The following NREP variants were observed in gnomAD, a reference collection of about 807,000 sequenced individuals.
NREP encodes neuronal regeneration-related protein.
NREP carries 5 observed loss-of-function variants against 8.6 expected under a neutral mutation model. That is an observed-to-expected ratio of 0.58 (90% CI 0.30 to 1.22). The LOEUF (loss-of-function observed/expected upper bound fraction) is 1.22, where lower values mean the gene tolerates loss of function less well. NREP is among the 50% of genes most tolerant of loss of function. The probability of loss-of-function intolerance (pLI) is 0.07; values close to 1 mark genes in which losing one functional copy is unlikely to be tolerated. For synonymous variants in NREP, 27 were observed against 28.0 expected (o/e 0.96, Z 0.11); for missense variants, 86 against 82.5 (o/e 1.04, Z -0.17).
chr5:111,766,545 T>A (rs2112868398), intron 2 of NREP, among the ~76,000 whole-genome samples: 1 of 152,328 alleles, frequency 6.6e-6, no homozygotes, highest in Non-Finnish European at 1.5e-5. Context: ...TGTTATTCCC[T>A]CTTATCCACC....
rs1752485084 is a variant in NREP, at chr5:111,820,171, A to G, written c.136-84664T>C. Among the ~76,000 whole-genome samples, 3 of 152,182 alleles carry G rather than the reference A, an allele frequency of 2.0e-5. No homozygotes were observed. In the South Asian group the frequency reaches 6.2e-4, roughly 32 times the overall value. ...CCCTGACCGTCAGAAGCCATTTTAA[A>G]CAGCAAAATCACCAACAAACAGCTC... On this transcript the variant is annotated intron_variant, in intron 2 of 3. Coordinates refer to the NREP transcript ENST00000395634.
At chr5:111,952,509 T>C (rs1397015586) in intron 2 of NREP, among the ~76,000 whole-genome samples, 1 of 152,168 alleles carries the variant, frequency 6.6e-6, no homozygotes, top group Non-Finnish European at 1.5e-5. Context: ...GTAAGAGCAG[T>C]CCTCTTCCTT....
At chr5:111,798,734 G>GGTGT (rs571252142) in intron 2 of NREP, among the ~76,000 whole-genome samples, 85 of 135,694 alleles carry the variant, frequency 6.3e-4, no homozygotes, top group African/African-American at 1.8e-3. Context: ...AGTATTCCAT[G>GGTGT]GTGTGTGTGT....
At chr5:111,864,567 G>T (rs1753623766) in intron 2 of NREP, among the ~76,000 whole-genome samples, 1 of 152,014 alleles carries the variant, frequency 6.6e-6, no homozygotes, top group African/African-American at 2.4e-5. Context: ...ACTGGAGCGG[G>T]GTGAAGTAAT....
intron 2 of NREP, among the ~76,000 whole-genome samples, chr5:111,833,483 A>C (rs1341646813): frequency 1.3e-5 from 2 of 152,226 alleles, no homozygotes; most frequent in African/African-American, 2.4e-5. Flanking sequence ...TCACTAATAA[A>C]TCATACTGTA....
At chr5:111,783,091 G>A (rs2112885195) in intron 2 of NREP, among the ~76,000 whole-genome samples, 1 of 152,174 alleles carries the variant, frequency 6.6e-6, no homozygotes, top group East Asian at 1.9e-4. Flanking sequence ...TGGTAAGAAT[G>A]TTTCATTGTT....
chr5:111,866,782 T>C (rs1250271792), intron 2 of NREP, among the ~76,000 whole-genome samples: 1 of 152,084 alleles, frequency 6.6e-6, no homozygotes, highest in Non-Finnish European at 1.5e-5. Context: ...TAAGAAAATG[T>C]GGCACATATA....
chr5:111,907,036 C>A (rs1026224352), intron 2 of NREP, among the ~76,000 whole-genome samples: 11 of 152,076 alleles, frequency 7.2e-5, no homozygotes, highest in African/African-American at 2.7e-4. Flanking sequence ...TCCCAAAGTG[C>A]TAAGATTATA....
At chr5:111,800,891 G>C (rs73223681) in intron 2 of NREP, among the ~76,000 whole-genome samples, 16,684 of 152,204 alleles carry the variant, frequency 0.11, 2,765 homozygotes, top group African/African-American at 0.36. Context: ...TCAAGTAAGA[G>C]GACTTGACAG....
intron 2 of NREP, among the ~76,000 whole-genome samples, chr5:111,816,828 C>G (rs1752395135): frequency 6.6e-6 from 1 of 151,328 alleles, no homozygotes; most frequent in African/African-American, 2.4e-5. Flanking sequence ...TATTCTAACA[C>G]TGCAGACTAT....
chr5:111,859,311 A>G (rs1753494720), intron 2 of NREP, among the ~76,000 whole-genome samples: 1 of 152,224 alleles, frequency 6.6e-6, no homozygotes. Context: ...GCTAGCCAAA[A>G]AAATCTCAGG....
intron 2 of NREP, among the ~76,000 whole-genome samples, chr5:111,797,762 G>A (rs1192562021): frequency 6.6e-6 from 1 of 152,150 alleles, no homozygotes; most frequent in Non-Finnish European, 1.5e-5. Context: ...AACCATTAAG[G>A]CCCTGATGAG....
At chr5:111,763,328 A>C (rs905651216) in intron 2 of NREP, among the ~76,000 whole-genome samples, 7 of 152,252 alleles carry the variant, frequency 4.6e-5, no homozygotes, top group African/African-American at 1.4e-4. Context: ...ATGCAAAAGC[A>C]AACACAGGAG....
At chr5:111,926,713 G>A (rs1338814562) in intron 2 of NREP, among the ~76,000 whole-genome samples, 1 of 151,986 alleles carries the variant, frequency 6.6e-6, no homozygotes, top group African/African-American at 2.4e-5. Context: ...TAGAAAGAGA[G>A]GGGGAAGAAA....
At chr5:111,851,509 C>T (rs1011279703) in intron 2 of NREP, among the ~76,000 whole-genome samples, 4 of 152,088 alleles carry the variant, frequency 2.6e-5, no homozygotes, top group Admixed American at 2.0e-4. Context: ...GACAGACTGA[C>T]CACCTTTTCT....
intron 2 of NREP, among the ~76,000 whole-genome samples, chr5:111,882,551 A>C (rs1480644603): frequency 6.6e-6 from 1 of 152,202 alleles, no homozygotes; most frequent in East Asian, 1.9e-4. Context: ...AGTTGAAATG[A>C]AGGAAAAAAT....
chr5:111,831,808 T>C (rs948481236), intron 2 of NREP, among the ~76,000 whole-genome samples: 2 of 152,236 alleles, frequency 1.3e-5, no homozygotes, highest in Admixed American at 1.3e-4. Flanking sequence ...CAGGGAAGTC[T>C]GGTTGGCACG....
chr5:111,760,194 G>A (rs1750929894), upstream of NREP, among the ~76,000 whole-genome samples: 1 of 152,120 alleles, frequency 6.6e-6, no homozygotes, highest in Non-Finnish European at 1.5e-5. Context: ...AACATCTCTG[G>A]CCTCTACCCA....
chr5:111,812,082 G>A (rs1220963695), intron 2 of NREP, among the ~76,000 whole-genome samples: 1 of 152,072 alleles, frequency 6.6e-6, no homozygotes, highest in Non-Finnish European at 1.5e-5. Context: ...GAGTGCAGGA[G>A]TTTGAGACAA....
Sources: gnomAD v4.1 joint callset for allele counts (sites outside exome capture counted in the v4.1 genomes callset) on GRCh38, gnomAD v4.1.1 for gene constraint, MANE v1.5 for transcripts, NCBI Gene and HGNC (gene_info 2026-07-23, HGNC 2026-07-21) for gene names.